CACNA2D3: variants seen among roughly 807,000 people sequenced by gnomAD.
CACNA2D3 encodes calcium voltage-gated channel auxiliary subunit alpha2delta 3.
In CACNA2D3, 60 loss-of-function variants were observed where a neutral mutation model predicts 160.6. The ratio of observed to expected loss-of-function variants is 0.37; its 90% CI spans 0.30 to 0.46. CACNA2D3 has a LOEUF of 0.46. Among genes scored for constraint, CACNA2D3 ranks in the 20% least tolerant of loss-of-function variants. CACNA2D3 has a pLI of 1.00. For synonymous variants in CACNA2D3, 558 were observed against 492.9 expected (o/e 1.13, Z -1.75); for missense variants, 1,205 against 1,365.0 (o/e 0.88, Z 1.85).
chr3:54,229,060 C>T (rs1459000497), intron 2 of CACNA2D3, among the ~76,000 whole-genome samples: 1 of 152,214 alleles, frequency 6.6e-6, no homozygotes, highest in African/African-American at 2.4e-5. Context: ...ACCAACAACA[C>T]TGCTGGAAGG....
rs567469888 is a variant in CACNA2D3, at chr3:54,796,021, A to G, written c.1381-20832A>G. ...GAGAATCAGCAATCCCAGCATATTA[A>G]CAGACCTCCCTTTCACATAGGACCA... On this transcript the variant is annotated intron_variant, in intron 13 of 37. Coordinates refer to ENST00000474759, the MANE Select transcript of CACNA2D3 (RefSeq NM_018398.3). Among the ~76,000 whole-genome samples, 8 of 152,298 alleles carry G rather than the reference A, an allele frequency of 5.3e-5. No individual in the cohort carries two copies. In the East Asian group the frequency reaches 1.2e-3, roughly 22 times the overall value.
chr3:54,736,325 G>A (rs1701532032), intron 11 of CACNA2D3, among the ~76,000 whole-genome samples: 1 of 151,438 alleles, frequency 6.6e-6, no homozygotes. Context: ...ATCCCCTTCT[G>A]TGATACGTTT....
chr3:54,246,828 T>A (rs1216726302), intron 2 of CACNA2D3, among the ~76,000 whole-genome samples: 1 of 152,138 alleles, frequency 6.6e-6, no homozygotes. Context: ...AGCTCTGAAG[T>A]GAGAAAAGCT....
chr3:55,017,696 ATGT>A (rs1200769721), intron 34 of CACNA2D3, among the ~76,000 whole-genome samples: 1 of 152,176 alleles, frequency 6.6e-6, no homozygotes, highest in Non-Finnish European at 1.5e-5. Context: ...TAAAATTGAC[ATGT>A]TGTATTATTG....
chr3:55,001,603 T>C (rs953238183), intron 31 of CACNA2D3, among the ~76,000 whole-genome samples: 9 of 152,316 alleles, frequency 5.9e-5, no homozygotes, highest in African/African-American at 2.2e-4. Context: ...AGCTCAGGTA[T>C]TACTGACTTC....
intron 4 of CACNA2D3, among the ~76,000 whole-genome samples, chr3:54,433,618 G>C (rs529718073): frequency 4.6e-5 from 7 of 152,150 alleles, no homozygotes; most frequent in African/African-American, 1.7e-4. Context: ...ACAAATGAGC[G>C]TAGGAAGACT....
chr3:54,881,568 T>C (rs1241788200), intron 21 of CACNA2D3, among the ~76,000 whole-genome samples: 1 of 152,204 alleles, frequency 6.6e-6, no homozygotes, highest in Non-Finnish European at 1.5e-5. Context: ...TCAGAGAGGT[T>C]ACCTGTCCCA....
chr3:54,296,617 T>C (rs1703348234), intron 2 of CACNA2D3, among the ~76,000 whole-genome samples: 1 of 152,208 alleles, frequency 6.6e-6, no homozygotes, highest in Non-Finnish European at 1.5e-5. Flanking sequence ...GTACACGATA[T>C]GATATAGAGG....
intron 31 of CACNA2D3, among the ~76,000 whole-genome samples, chr3:54,990,708 T>C (rs1575424850): frequency 1.3e-5 from 2 of 152,132 alleles, no homozygotes; most frequent in South Asian, 4.1e-4. Context: ...GTGATGCTTG[T>C]CTGGGTGACA....
At chr3:54,747,873 G>GC (rs1267262559) in intron 11 of CACNA2D3, among the ~76,000 whole-genome samples, 1 of 152,054 alleles carries the variant, frequency 6.6e-6, no homozygotes, top group Non-Finnish European at 1.5e-5. Context: ...TAAAAATGCA[G>GC]CCCCCATCAC....
chr3:54,806,628 C>A (rs1703134159), intron 13 of CACNA2D3, among the ~76,000 whole-genome samples: 2 of 152,114 alleles, frequency 1.3e-5, no homozygotes, highest in Admixed American at 6.5e-5. Flanking sequence ...GCCATGCTGC[C>A]CAAGGTAATT....
intron 4 of CACNA2D3, among the ~76,000 whole-genome samples, chr3:54,400,982 C>G (rs1022833786): frequency 1.3e-5 from 2 of 151,776 alleles, no homozygotes; most frequent in Admixed American, 1.3e-4. Context: ...ATAAGATAGG[C>G]AATTCAGTGA....
intron 13 of CACNA2D3, among the ~76,000 whole-genome samples, chr3:54,777,330 A>C (rs1453413326): frequency 6.6e-6 from 1 of 152,080 alleles, no homozygotes; most frequent in Non-Finnish European, 1.5e-5. Flanking sequence ...ACACCCACTT[A>C]TGAGTGAAAT....
intron 11 of CACNA2D3, among the ~76,000 whole-genome samples, chr3:54,699,485 C>T (rs556518365): frequency 1.2e-4 from 18 of 152,332 alleles, no homozygotes; most frequent in African/African-American, 4.1e-4. Flanking sequence ...GCGTTTCCTT[C>T]TTGCCCCTTC....
At chr3:55,013,278 G>A (rs1377625163) in intron 34 of CACNA2D3, among the ~76,000 whole-genome samples, 2 of 152,196 alleles carry the variant, frequency 1.3e-5, no homozygotes, top group Non-Finnish European at 2.9e-5. Context: ...AGAGGCAGTG[G>A]ACTCAGACCT....
chr3:54,477,538 A>G (rs966414599), intron 4 of CACNA2D3, among the ~76,000 whole-genome samples: 2 of 152,072 alleles, frequency 1.3e-5, no homozygotes, highest in Admixed American at 6.6e-5. Context: ...TTGACTTGCC[A>G]TCTCCCTGGG....
chr3:54,890,832 G>A (rs1700047525), intron 24 of CACNA2D3, among the ~76,000 whole-genome samples: 1 of 152,214 alleles, frequency 6.6e-6, no homozygotes, highest in Non-Finnish European at 1.5e-5. Context: ...CAACTGTGTG[G>A]ATGTCAAAAC....
intron 11 of CACNA2D3, among the ~76,000 whole-genome samples, chr3:54,722,426 A>C (rs961045118): frequency 6.6e-6 from 1 of 152,110 alleles, no homozygotes. Context: ...TGTCAAACCT[A>C]TTCTCTGTCC....
chr3:54,727,584 A>T (rs930565738), intron 11 of CACNA2D3, among the ~76,000 whole-genome samples: 1 of 152,234 alleles, frequency 6.6e-6, no homozygotes, highest in Non-Finnish European at 1.5e-5. Flanking sequence ...GCCATAAAAC[A>T]GGATGAGTTC....
Sources: gnomAD v4.1 joint callset for allele counts (sites outside exome capture counted in the v4.1 genomes callset) on GRCh38, gnomAD v4.1.1 for gene constraint, MANE v1.5 for transcripts, NCBI Gene and HGNC (gene_info 2026-07-23, HGNC 2026-07-21) for gene names.